Variants in FAS observed in about 807,000 individuals in gnomAD.
The protein encoded by FAS is Fas cell surface death receptor.
In FAS, 5 loss-of-function variants were observed where a neutral mutation model predicts 33.2. The ratio of observed to expected loss-of-function variants is 0.15; its 90% CI spans 0.08 to 0.32. The LOEUF (loss-of-function observed/expected upper bound fraction) is 0.32. FAS is among the 10% of genes least tolerant of loss of function. The probability of loss-of-function intolerance (pLI) is 1.00; values close to 1 mark genes in which losing one functional copy is unlikely to be tolerated. For synonymous variants in FAS, 131 were observed against 130.7 expected (o/e 1.00, Z -0.01); for missense variants, 339 against 386.0 (o/e 0.88, Z 1.02).
At chr10:89,009,211 C>T (rs1321854690) in intron 4 of FAS, among the ~76,000 whole-genome samples, 2 of 152,174 alleles carry the variant, frequency 1.3e-5, no homozygotes, top group Non-Finnish European at 2.9e-5. Flanking sequence ...ATGAGCCAGA[C>T]ATATGCCTGG....
intron 1 of FAS, among the ~76,000 whole-genome samples, chr10:88,992,799 G>T (rs894128255): frequency 1.3e-5 from 2 of 152,080 alleles, no homozygotes; most frequent in Non-Finnish European, 2.9e-5. Context: ...TAGTTACACA[G>T]AAATTGGTTT....
At chr10:88,986,597 TCTTAGG>T (rs1272832350), upstream of FAS, among the ~76,000 whole-genome samples, 1 of 152,182 alleles carries the variant, frequency 6.6e-6, no homozygotes, top group Non-Finnish European at 1.5e-5. Flanking sequence ...AGGACACTTT[TCTTAGG>T]CTTCAGGAAT....
At chr10:89,012,163 A>G in intron 7 of FAS, 82 bp downstream of exon 7, 2 of 1,193,474 alleles carry the variant, frequency 1.7e-6, no homozygotes, top group Non-Finnish European at 2.5e-6. Flanking sequence ...ACTTCCTTTT[A>G]CTTTTTTGTT....
chr10:88,994,174 G>T (rs1221798995), intron 1 of FAS, among the ~76,000 whole-genome samples: 1 of 152,196 alleles, frequency 6.6e-6, no homozygotes, highest in African/African-American at 2.4e-5. Context: ...AAGTGTCAGT[G>T]TTTCAAAGGA....
intron 1 of FAS, among the ~76,000 whole-genome samples, chr10:88,998,469 A>G (rs1847733954): frequency 6.6e-6 from 1 of 152,184 alleles, no homozygotes; most frequent in South Asian, 2.1e-4. Flanking sequence ...TCCTCTTCTT[A>G]AAATGTCACC....
chr10:89,012,473 C>T lies in FAS; in HGVS notation c.651+392C>T, dbSNP rs566149306. The T allele has an allele frequency of 5.4e-5, 12 of 224,138 alleles. No individual in the cohort carries two copies. In the South Asian group the frequency reaches 7.8e-4, roughly 15 times the overall value. 13.9% of individuals were successfully genotyped at this position (224,138 alleles called of 1,614,324 possible). On this transcript the variant is annotated intron_variant, in intron 7 of 8. Coordinates refer to ENST00000652046, the MANE Select transcript of FAS (RefSeq NM_000043.6). ...GATTATAGGTGTGAGCCATCACATC[C>T]GGCCTGTTACTTTCTTTATTTAAAC... is the stretch of plus-strand genomic sequence containing the variant.
At chr10:88,994,296 AT>A (rs1459188321) in intron 1 of FAS, among the ~76,000 whole-genome samples, 5 of 152,174 alleles carry the variant, frequency 3.3e-5, no homozygotes, top group Non-Finnish European at 7.3e-5. Flanking sequence ...AAGTAAGGAA[AT>A]CCCCCCACTT....
chr10:89,015,531 C>G lies in FAS; in HGVS notation c.*1081C>G, dbSNP rs775814352. The G allele has an allele frequency of 1.9e-6, 1 of 533,946 alleles. No homozygotes were observed. Among genetic ancestry groups the G allele is most frequent in the Non-Finnish European group, 3.6e-6 (1 of 276,448 alleles). 33.1% of individuals were successfully genotyped at this position (533,946 alleles called of 1,614,324 possible). On this transcript the variant is annotated 3_prime_UTR_variant, in exon 9 of 9. Transcript: ENST00000652046. ...GGATTTAGGAATTGCTCTTGTCATACCCCCAAGTTTCTAAGATTTAAGATT... is the reference window on the plus strand; with the variant it reads ...GGATTTAGGAATTGCTCTTGTCATAGCCCCAAGTTTCTAAGATTTAAGATT...
chr10:88,989,058 T>A (rs564204864), upstream of FAS, among the ~76,000 whole-genome samples: 107 of 152,376 alleles, frequency 7.0e-4, no homozygotes, highest in African/African-American at 2.3e-3. Context: ...TTCCTGACTC[T>A]GCTATTTATT....
chr10:88,979,039 A>C (rs1328833731), intron 2 of FAS, among the ~76,000 whole-genome samples: 1 of 152,098 alleles, frequency 6.6e-6, no homozygotes, highest in Non-Finnish European at 1.5e-5. Flanking sequence ...TATTTGTTTT[A>C]TAAATCAGAA....
At position 88,990,968 on chromosome 10, in the gene FAS, G is replaced by A; in HGVS notation, c.30+62G>A. On this transcript the variant is annotated intron_variant, in intron 1 of 8. Transcript: ENST00000652046. The surrounding 1 kb of genome is among the most constrained non-coding windows in gnomAD (Gnocchi z 4.9). Reference sequence around the variant, plus strand: ...TCTTAGTCCCGGGGATAGGCAAAGTGGGGCGGGCGCGGGACGCGTGCGGGA... The same window carrying A: ...TCTTAGTCCCGGGGATAGGCAAAGTAGGGCGGGCGCGGGACGCGTGCGGGA... 6.2e-7 allele frequency: 1 copy of A among 1,611,226 alleles called. No individual in the cohort carries two copies. Among genetic ancestry groups the A allele is most frequent in the Non-Finnish European group, 8.5e-7 (1 of 1,177,646 alleles).
chr10:88,973,570 C>CTT (rs1846497064), intron 2 of FAS: 1 of 319,106 alleles, frequency 3.1e-6, no homozygotes, highest in African/African-American at 2.1e-5. Flanking sequence ...CACCACTTCC[C>CTT]ATTCCCCAAA....
At chr10:89,008,825 A>G in intron 3 of FAS, 64 bp from the exon 4 acceptor site, 1 of 1,481,332 alleles carries the variant, frequency 6.8e-7, no homozygotes, top group South Asian at 1.1e-5. Flanking sequence ...GCTCCTGCCC[A>G]CCATTTTCAT....
rs1589496570 is a variant in FAS, at chr10:89,016,260, G to A, written c.*1810G>A. ...GGTAAGATAGTTGTGCTTTGCTTAG[G>A]GTTCCCTCCTGTGTTATGGTCTGGA... is the stretch of plus-strand genomic sequence containing the variant. On this transcript the variant is annotated 3_prime_UTR_variant, in exon 9 of 9. Transcript: ENST00000652046. 4.6e-6 allele frequency: 1 copy of A among 217,194 alleles called. No homozygotes were observed. The highest frequency in any genetic ancestry group is 9.3e-6 in the Non-Finnish European group (1 of 108,006). 13.5% of individuals were successfully genotyped at this position (217,194 alleles called of 1,614,324 possible).
At position 89,014,453 on chromosome 10, in the gene FAS, T is replaced by C. The variant is rs1564699971; in HGVS notation, c.*3T>C. The stretch of plus-strand genomic sequence containing the variant: ...ATGAAATCCAAAGCTTGGTCTAGAG[T>C]GAAAAACAACAAATTCAGTTCTGAG... On this transcript the variant is annotated 3_prime_UTR_variant, in exon 9 of 9. Coordinates refer to ENST00000652046, the MANE Select transcript of FAS (RefSeq NM_000043.6). 4 of 1,606,806 alleles carry C rather than the reference T, an allele frequency of 2.5e-6. No homozygotes were observed.
rs1202861175 is a variant in FAS, at chr10:89,007,849, A to C, written c.334+12A>C. On this transcript the variant is annotated intron_variant, in intron 3 of 8. Coordinates refer to ENST00000652046, the MANE Select transcript of FAS (RefSeq NM_000043.6). ...TGATGAAGGACATGGTAAGAGTCTTAAAATGCAATTGAAAGAGGCCAATCT... is the reference window on the plus strand; with the variant it reads ...TGATGAAGGACATGGTAAGAGTCTTCAAATGCAATTGAAAGAGGCCAATCT... 1 of 1,613,796 alleles carries C rather than the reference A, an allele frequency of 6.2e-7. No individual in the cohort carries two copies. The highest frequency in any genetic ancestry group is 8.5e-7 in the Non-Finnish European group (1 of 1,179,822).
At chr10:88,996,288 T>G (rs1235127836) in intron 1 of FAS, among the ~76,000 whole-genome samples, 1 of 150,866 alleles carries the variant, frequency 6.6e-6, no homozygotes, top group African/African-American at 2.5e-5. Flanking sequence ...TTTTTTTTCA[T>G]GTGAATGTCT....
At chr10:88,989,113 T>C (rs1847016393), upstream of FAS, among the ~76,000 whole-genome samples, 1 of 152,158 alleles carries the variant, frequency 6.6e-6, no homozygotes, top group Non-Finnish European at 1.5e-5. Flanking sequence ...TTTGGCTACA[T>C]TTTTTTATTT....
intron 1 of FAS, among the ~76,000 whole-genome samples, chr10:88,999,775 A>G (rs1344498940): frequency 6.6e-6 from 1 of 152,180 alleles, no homozygotes; most frequent in East Asian, 1.9e-4. Flanking sequence ...CTTTTTGTTT[A>G]TCTTATTGTC....
Sources: gnomAD v4.1 joint callset for allele counts (sites outside exome capture counted in the v4.1 genomes callset) on GRCh38, gnomAD v4.1.1 for gene constraint, Gnocchi (gnomAD v3.1) non-coding constraint, MANE v1.5 for transcripts, NCBI Gene and HGNC (gene_info 2026-07-23, HGNC 2026-07-21) for gene names.